Variants in ARMC3 observed in about 807,000 individuals in gnomAD.
ARMC3 encodes armadillo repeat containing 3.
A neutral mutation model predicts 90.3 loss-of-function variants in ARMC3; 74 were observed. That is an observed-to-expected ratio of 0.82 (90% CI 0.68 to 0.99). ARMC3 has a LOEUF of 0.99. Ranked by LOEUF, ARMC3 falls within the 50% of genes least tolerant of loss-of-function variation. The pLI, the probability that ARMC3 is intolerant of heterozygous loss-of-function variation, is 0.00. For synonymous variants in ARMC3, 334 were observed against 361.8 expected, an observed-to-expected ratio of 0.92 and a Z score of 0.87; for missense variants, 958 against 1,042.8, an observed-to-expected ratio of 0.92 and a Z score of 1.12.
chr10:22,933,560 G>A lies in ARMC3; in HGVS notation c.48+1516G>A, dbSNP rs370027776. Among the ~76,000 whole-genome samples, 284 of 152,172 alleles carry A rather than the reference G, an allele frequency of 1.9e-3. 3 individuals are homozygous for A. The highest frequency in any genetic ancestry group is 5.9e-3 in the African/African-American group (243 of 41,518). ...AACAGCCTTGGAGGTAGCCAATGGC[G>A]GGTGTAACATTGACCAATGGTCCTT... is the stretch of plus-strand genomic sequence containing the variant. On this transcript the variant is annotated intron_variant, in intron 2 of 18. Coordinates refer to ENST00000298032, the MANE Select transcript of ARMC3 (RefSeq NM_173081.5).
intron 4 of ARMC3, among the ~76,000 whole-genome samples, chr10:22,958,187 C>A (rs1447862800): frequency 1.3e-5 from 2 of 152,166 alleles, no homozygotes; most frequent in African/African-American, 4.8e-5. Flanking sequence ...AGTAGTGGAA[C>A]TGAGGTTAGA....
chr10:22,986,553 A>G (rs1203161804), intron 10 of ARMC3, among the ~76,000 whole-genome samples: 1 of 146,332 alleles, frequency 6.8e-6, no homozygotes, highest in Non-Finnish European at 1.5e-5. Flanking sequence ...CTCCATCTCA[A>G]AAAAAAAAAC....
In ARMC3 at chr10:23,003,321, G is replaced by A; in HGVS notation, c.1638G>A (p.Lys546=). ...AATTCAGTGAGGCAGCTTATAATAA[G>A]TTGCTCAATAACAATCTTTCCCTGA... ...KNKFSEAAYN[K]LLNNNLSLKY... is the part of the protein sequence containing the mutation. Residue 546 remains lysine, a synonymous_variant, in exon 13 of 19, where the codon AAG becomes AAA. Coordinates refer to ENST00000298032, the MANE Select transcript of ARMC3 (RefSeq NM_173081.5). The A allele has an allele frequency of 6.2e-7, 1 of 1,613,682 alleles. No individual in the cohort carries two copies. The highest frequency in any genetic ancestry group is 8.5e-7 in the Non-Finnish European group (1 of 1,179,792).
At chr10:22,969,713 GTTC>G (rs1460317022) in intron 8 of ARMC3, among the ~76,000 whole-genome samples, 1 of 152,198 alleles carries the variant, frequency 6.6e-6, no homozygotes, top group Non-Finnish European at 1.5e-5. Context: ...TTCTATCCTA[GTTC>G]TTCTTAGCTA....
chr10:22,942,342 A>G (rs1317617551), intron 2 of ARMC3, among the ~76,000 whole-genome samples: 1 of 152,206 alleles, frequency 6.6e-6, no homozygotes, highest in East Asian at 1.9e-4. Flanking sequence ...AGAAAAATTA[A>G]TGTATTCTCA....
At chr10:22,958,926 TTGGCTAGGC>T in intron 4 of ARMC3, 135 bp from the exon 5 acceptor site, 1 of 599,160 alleles carries the variant, frequency 1.7e-6, no homozygotes, top group Non-Finnish European at 2.9e-6. Context: ...TTTCACCATG[TTGGCTAGGC>T]TGGTCTCGAA....
chr10:22,936,291 T>C (rs894705012), intron 2 of ARMC3, among the ~76,000 whole-genome samples: 2 of 152,188 alleles, frequency 1.3e-5, no homozygotes, highest in Non-Finnish European at 1.5e-5. Flanking sequence ...ACTTTGTCGC[T>C]ATTTTTTAAA....
chr10:22,974,856 G>A (rs1835846513), intron 8 of ARMC3, among the ~76,000 whole-genome samples: 2 of 152,062 alleles, frequency 1.3e-5, no homozygotes, highest in South Asian at 4.1e-4. Context: ...TGAACAGGCT[G>A]GTCTTGAATC....
At chr10:22,972,384 G>A (rs776501244) in intron 8 of ARMC3, among the ~76,000 whole-genome samples, 8 of 152,030 alleles carry the variant, frequency 5.3e-5, no homozygotes, top group South Asian at 2.1e-4. Context: ...GTCCCAGTTC[G>A]TTCTTTTTCA....
chr10:22,990,927 C>G (rs966552905), intron 10 of ARMC3, among the ~76,000 whole-genome samples: 1 of 152,014 alleles, frequency 6.6e-6, no homozygotes. Flanking sequence ...CTGACCCTCC[C>G]TCCACCTTTT....
chr10:23,013,114 G>A (rs1429769033), intron 16 of ARMC3, among the ~76,000 whole-genome samples: 10 of 151,988 alleles, frequency 6.6e-5, no homozygotes, highest in South Asian at 2.1e-4. Context: ...GGCCAGAGTG[G>A]TCTCAAACTC....
At chr10:22,984,940 G>A (rs1050645268) in intron 10 of ARMC3, among the ~76,000 whole-genome samples, 16 of 150,336 alleles carry the variant, frequency 1.1e-4, no homozygotes, top group Non-Finnish European at 2.1e-4. Flanking sequence ...TGGTACAATC[G>A]TAGCTCACTG....
Position 23,008,906 on chromosome 10 carries a change from A to G in ARMC3, c.2020A>G (p.Ser674Gly). 6.2e-7 allele frequency: 1 copy of G among 1,613,744 alleles called. No individual in the cohort carries two copies. The highest frequency in any genetic ancestry group is 1.1e-5 in the South Asian group (1 of 90,976). ...TGGACGAAATACTGTTCTCAGCAAA[A>G]GCGCCACCAAAGAAAAAGGATGGAG... ...ASGRNTVLSK[S>G]ATKEKGWRKS... The change falls in exon 16 of 19, where the codon AGC (serine) becomes GGC (glycine). Residue 674 changes from serine (S) to glycine (G), a missense_variant. Physicochemically the swap from Ser to Gly is moderately conservative, Grantham distance 56. Coordinates refer to ENST00000298032, the MANE Select transcript of ARMC3 (RefSeq NM_173081.5).
At chr10:23,013,955 T>A (rs943700307) in intron 16 of ARMC3, 1 of 788,962 alleles carries the variant, frequency 1.3e-6, no homozygotes, top group African/African-American at 1.8e-5. Context: ...AAAATTACTT[T>A]AATTATTGAA....
chr10:22,974,642 TTG>T lies in ARMC3; in HGVS notation c.916+6155_916+6156del, dbSNP rs1161513136. ...CTCTCTAAAATCTGTTTTTTTTTGT[TTG>T]TTTGTTTGTTTGTTTTGAGACTGAG... On this transcript the variant is annotated intron_variant, in intron 8 of 18. Coordinates refer to ENST00000298032, the MANE Select transcript of ARMC3 (RefSeq NM_173081.5). Among the ~76,000 whole-genome samples, 8 of 151,812 alleles carry T rather than the reference TTG, an allele frequency of 5.3e-5. No homozygotes were observed. The East Asian group carries it at 7.7e-4, about 15-fold the overall frequency.
chr10:22,952,897 C>T (rs1029803664), intron 3 of ARMC3, among the ~76,000 whole-genome samples: 2 of 152,140 alleles, frequency 1.3e-5, no homozygotes, highest in African/African-American at 2.4e-5. Flanking sequence ...GGTATTTTAC[C>T]GTGTGGGGTA....
chr10:23,029,567 T>C (rs932451240), intron 16 of ARMC3, among the ~76,000 whole-genome samples: 7 of 152,308 alleles, frequency 4.6e-5, no homozygotes, highest in Admixed American at 4.6e-4. Flanking sequence ...GGTATTTCTA[T>C]CCAATTTAAC....
chr10:22,936,070 T>A (rs1313365453), intron 2 of ARMC3, among the ~76,000 whole-genome samples: 1 of 152,216 alleles, frequency 6.6e-6, no homozygotes, highest in African/African-American at 2.4e-5. Flanking sequence ...TGAGGTCATC[T>A]TCATAATTTT....
At chr10:22,941,894 GC>G in intron 2 of ARMC3, among the ~76,000 whole-genome samples, 1 of 152,256 alleles carries the variant, frequency 6.6e-6, no homozygotes, top group South Asian at 2.1e-4. Context: ...TTGCAGTGAG[GC>G]CCTCTCAATT....
Sources: gnomAD v4.1 joint callset for allele counts (sites outside exome capture counted in the v4.1 genomes callset) on GRCh38, gnomAD v4.1.1 for gene constraint, MANE v1.5 for transcripts, NCBI Gene and HGNC (gene_info 2026-07-23, HGNC 2026-07-21) for gene names.